TSPAN5: variants seen among roughly 807,000 people sequenced by gnomAD.
TSPAN5 encodes tetraspanin-5.
A neutral mutation model predicts 37.1 loss-of-function variants in TSPAN5; 10 were observed. That is an observed-to-expected ratio of 0.27 (90% CI 0.17 to 0.46). TSPAN5 has a LOEUF of 0.46. Ranked by LOEUF, TSPAN5 falls within the 20% of genes least tolerant of loss-of-function variation. TSPAN5 has a pLI of 1.00. For missense variants in TSPAN5, 195 were observed against 326.6 expected (o/e 0.60, Z 3.11); for synonymous variants, 110 against 118.9 (o/e 0.93, Z 0.48).
intron 2 of TSPAN5, among the ~76,000 whole-genome samples, chr4:98,495,146 C>A (rs1753172428): frequency 6.6e-6 from 1 of 152,162 alleles, no homozygotes; most frequent in Admixed American, 6.5e-5. Context: ...TCTGGAGTGA[C>A]CTTCCAGTGG....
intron 1 of TSPAN5, among the ~76,000 whole-genome samples, chr4:98,508,772 G>A (rs1053324171): frequency 6.6e-6 from 1 of 151,852 alleles, no homozygotes; most frequent in Non-Finnish European, 1.5e-5. Flanking sequence ...CAATCCTCCC[G>A]CCTCGGCCTC....
chr4:98,654,611 G>A (rs1757259367), intron 1 of TSPAN5, among the ~76,000 whole-genome samples: 4 of 152,114 alleles, frequency 2.6e-5, no homozygotes, highest in South Asian at 4.2e-4. Context: ...ACCAGCCTGT[G>A]ATAACTAATG....
At chr4:98,621,721 A>G (rs1361400733) in intron 1 of TSPAN5, among the ~76,000 whole-genome samples, 2 of 152,070 alleles carry the variant, frequency 1.3e-5, no homozygotes, top group African/African-American at 2.4e-5. Flanking sequence ...AATTCACAAT[A>G]TAGTGCAGCC....
At chr4:98,540,812 T>C (rs1754341753) in intron 1 of TSPAN5, among the ~76,000 whole-genome samples, 1 of 152,230 alleles carries the variant, frequency 6.6e-6, no homozygotes, top group Non-Finnish European at 1.5e-5. Context: ...CTGTGTCTTC[T>C]TATAACCTCT....
chr4:98,481,855 A>G, intron 4 of TSPAN5, 150 bp downstream of exon 4: 2 of 715,284 alleles, frequency 2.8e-6, no homozygotes, highest in Non-Finnish European at 4.6e-6. Flanking sequence ...TCACAGAGCA[A>G]GTCGGAAAAT....
At chr4:98,630,409 A>T (rs1472819518) in intron 1 of TSPAN5, among the ~76,000 whole-genome samples, 2 of 152,070 alleles carry the variant, frequency 1.3e-5, no homozygotes, top group Non-Finnish European at 2.9e-5. Flanking sequence ...CTTATACACC[A>T]CTTCTCGTTT....
intron 1 of TSPAN5, among the ~76,000 whole-genome samples, chr4:98,533,705 C>A (rs1754158451): frequency 6.7e-6 from 1 of 149,064 alleles, no homozygotes; most frequent in African/African-American, 2.5e-5. Flanking sequence ...CACCCGCCAC[C>A]AAGCCTGGCT....
Position 98,472,251 on chromosome 4 carries a change from T to C in TSPAN5, c.*271A>G. The stretch of plus-strand genomic sequence containing the variant: ...ATCTGGGTCCCCTACCCTCCCTTTT[T>C]TTCTTTTTTGGTAAGCATCTAACTG... On this transcript the variant is annotated 3_prime_UTR_variant, in exon 8 of 8. Transcript: ENST00000305798. The C allele has an allele frequency of 2.9e-6, 1 of 345,776 alleles. No homozygotes were observed. Among genetic ancestry groups the C allele is most frequent in the East Asian group, 4.5e-5 (1 of 22,188 alleles). The allele number at this position is 345,776 out of a possible 1,614,324, so 21.4% of individuals were successfully genotyped here. A position where few individuals can be genotyped will look rare whatever the true frequency, so the allele number is the denominator to read the frequency against.
chr4:98,544,678 T>C (rs1011675167), intron 1 of TSPAN5, among the ~76,000 whole-genome samples: 1 of 151,924 alleles, frequency 6.6e-6, no homozygotes, highest in Non-Finnish European at 1.5e-5. Flanking sequence ...TAAAATGAGA[T>C]AGAAGGAAAT....
chr4:98,546,064 T>C (rs960601419), intron 1 of TSPAN5, among the ~76,000 whole-genome samples: 8 of 152,162 alleles, frequency 5.3e-5, no homozygotes, highest in African/African-American at 1.9e-4. Flanking sequence ...GTATTAATAA[T>C]ATACATCTCA....
intron 1 of TSPAN5, among the ~76,000 whole-genome samples, chr4:98,602,566 A>G (rs1056309746): frequency 6.6e-6 from 1 of 152,176 alleles, no homozygotes; most frequent in Non-Finnish European, 1.5e-5. Flanking sequence ...CACAGCTCTC[A>G]TATCAACCCT....
At chr4:98,560,724 G>A (rs1476196143) in intron 1 of TSPAN5, among the ~76,000 whole-genome samples, 1 of 152,162 alleles carries the variant, frequency 6.6e-6, no homozygotes, top group Admixed American at 6.5e-5. Context: ...TCCTGTGCAG[G>A]GGAGCACAAT....
rs562897069 is a variant in TSPAN5 at position 98,592,077 on chromosome 4, T to C, written c.81+66069A>G. Among the ~76,000 whole-genome samples the C allele has an allele frequency of 4.6e-5, 7 of 151,962 alleles. 1 individual carries two copies. In the South Asian group the frequency reaches 1.5e-3, roughly 32 times the overall value. On this transcript the variant is annotated intron_variant, in intron 1 of 7. Coordinates refer to ENST00000305798, the MANE Select transcript of TSPAN5 (RefSeq NM_005723.4). ...CATATCCTCGATTTTTAACAAGATA[T>C]GATAGTAATTCAATAAAGAAAAGAT... is the stretch of plus-strand genomic sequence containing the variant.
At chr4:98,543,379 C>T (rs1217645598) in intron 1 of TSPAN5, among the ~76,000 whole-genome samples, 1 of 151,666 alleles carries the variant, frequency 6.6e-6, no homozygotes, top group African/African-American at 2.4e-5. Context: ...ATATATACAC[C>T]CATCCATAAA....
At chr4:98,550,607 GTTTTTTT>G (rs58062106) in intron 1 of TSPAN5, among the ~76,000 whole-genome samples, 1 of 139,112 alleles carries the variant, frequency 7.2e-6, no homozygotes, top group African/African-American at 2.7e-5. Context: ...TCCCAGCTGG[GTTTTTTT>G]TTTTTTTTTT....
At chr4:98,654,848 CTTTGTTTTGT>C (rs778031573) in intron 1 of TSPAN5, among the ~76,000 whole-genome samples, 1 of 151,986 alleles carries the variant, frequency 6.6e-6, no homozygotes, top group African/African-American at 2.4e-5. Context: ...TTTTGTTTTG[CTTTGTTTTGT>C]TTTTTTTGAG....
intron 1 of TSPAN5, among the ~76,000 whole-genome samples, chr4:98,609,515 C>T (rs1258975133): frequency 6.6e-6 from 1 of 152,152 alleles, no homozygotes; most frequent in African/African-American, 2.4e-5. Context: ...GTGGCAACAG[C>T]CAGCAGCCCC....
intron 1 of TSPAN5, among the ~76,000 whole-genome samples, chr4:98,622,644 G>C (rs1471888889): frequency 6.6e-6 from 1 of 152,164 alleles, no homozygotes; most frequent in Non-Finnish European, 1.5e-5. Context: ...GTTTTGAACC[G>C]ATGGGTCTGA....
chr4:98,533,952 A>AAAAAAAAAAAC (rs1553912228), intron 1 of TSPAN5, among the ~76,000 whole-genome samples: 2 of 144,730 alleles, frequency 1.4e-5, no homozygotes, highest in Non-Finnish European at 3.0e-5. Context: ...AAAAAAAAAA[A>AAAAAAAAAAAC]AAAAAAAAAA....
Sources: gnomAD v4.1 joint callset for allele counts (sites outside exome capture counted in the v4.1 genomes callset) on GRCh38, gnomAD v4.1.1 for gene constraint, MANE v1.5 for transcripts, NCBI Gene and HGNC (gene_info 2026-07-23, HGNC 2026-07-21) for gene names.